Variants in SPOCK1 observed in about 807,000 individuals in gnomAD.
SPOCK1 encodes testican-1.
A neutral mutation model predicts 55.3 loss-of-function variants in SPOCK1; 23 were observed. The observed-to-expected ratio is 0.42, with a 90% CI of 0.30 to 0.59. The LOEUF is 0.59. Ranked by LOEUF, SPOCK1 falls within the 20% of genes least tolerant of loss-of-function variation. The pLI is 0.22. For missense variants in SPOCK1, 499 were observed against 552.5 expected (o/e 0.90, Z 0.97); for synonymous variants, 226 against 221.0 (o/e 1.02, Z -0.20).
intron 6 of SPOCK1, among the ~76,000 whole-genome samples, chr5:137,010,121 C>T (rs1301396126): frequency 6.6e-6 from 1 of 152,046 alleles, no homozygotes; most frequent in African/African-American, 2.4e-5. Context: ...CATATCACAA[C>T]CTGCTGTCTC....
At chr5:137,231,814 C>T (rs959286527) in intron 3 of SPOCK1, among the ~76,000 whole-genome samples, 9 of 152,224 alleles carry the variant, frequency 5.9e-5, no homozygotes, top group African/African-American at 2.2e-4. Flanking sequence ...TGTCACTTTA[C>T]ATTCCCACCA....
rs199775344 is a variant in SPOCK1 at position 136,992,536 on chromosome 5, G to A, written c.654C>T (p.His218=). Residue 218 remains histidine (H), a synonymous_variant, in exon 7 of 11, where the codon CAC becomes CAT. Coordinates refer to ENST00000394945, the MANE Select transcript of SPOCK1 (RefSeq NM_004598.4). ...SRLKDWFGAL[H]EDANRVIKPT... ...GCTTGATGACTCTGTTCGCATCCTC[G>A]TGGAGAGCTCCAAACCAATCCTTCA... 54 of 1,613,844 alleles carry A rather than the reference G, an allele frequency of 3.3e-5. 1 individual carries two copies. In the Middle Eastern group the frequency reaches 5.0e-4, roughly 15 times the overall value.
At chr5:137,287,522 A>C (rs1401957309) in intron 2 of SPOCK1, among the ~76,000 whole-genome samples, 1 of 152,218 alleles carries the variant, frequency 6.6e-6, no homozygotes. Flanking sequence ...AGAGGGCAAA[A>C]ATTTAGTGAA....
chr5:137,390,623 A>G (rs1751699315), intron 2 of SPOCK1, among the ~76,000 whole-genome samples: 1 of 152,182 alleles, frequency 6.6e-6, no homozygotes, highest in Admixed American at 6.5e-5. Flanking sequence ...AACACCAGAG[A>G]AATCTCCACC....
chr5:137,226,057 A>C (rs1388442071), intron 3 of SPOCK1, among the ~76,000 whole-genome samples: 1 of 152,140 alleles, frequency 6.6e-6, no homozygotes. Context: ...CCCAACCTAA[A>C]TCCTGAAAAG....
intron 2 of SPOCK1, among the ~76,000 whole-genome samples, chr5:137,418,664 T>C (rs1382925002): frequency 6.6e-6 from 1 of 152,196 alleles, no homozygotes; most frequent in African/African-American, 2.4e-5. Flanking sequence ...TTTTTTCTTA[T>C]AAATTTGTTT....
chr5:137,290,619 G>T (rs1017001956), intron 2 of SPOCK1, among the ~76,000 whole-genome samples: 3 of 152,162 alleles, frequency 2.0e-5, no homozygotes, highest in Non-Finnish European at 4.4e-5. Flanking sequence ...TTTTAATAAA[G>T]GTTTGAGAAA....
At chr5:137,242,951 A>G (rs997303889) in intron 3 of SPOCK1, among the ~76,000 whole-genome samples, 1 of 152,204 alleles carries the variant, frequency 6.6e-6, no homozygotes, top group African/African-American at 2.4e-5. Context: ...CAAAGAAACT[A>G]ATAACAGTGG....
chr5:137,181,842 G>T (rs1406992917), intron 3 of SPOCK1, among the ~76,000 whole-genome samples: 1 of 152,202 alleles, frequency 6.6e-6, no homozygotes, highest in Admixed American at 6.5e-5. Context: ...ATCTGATTAG[G>T]ATTTGCTTGA....
At chr5:137,355,163 A>T (rs1343232456) in intron 2 of SPOCK1, among the ~76,000 whole-genome samples, 1 of 151,612 alleles carries the variant, frequency 6.6e-6, no homozygotes, top group Non-Finnish European at 1.5e-5. Context: ...AGCCTCCCAA[A>T]GTTCAAGGAT....
chr5:137,266,955 A>G lies in SPOCK1; in HGVS notation c.232+55T>C, dbSNP rs1053804033. 10 of 1,523,432 alleles carry G rather than the reference A, an allele frequency of 6.6e-6. No homozygotes were observed. The Admixed American group carries it at 1.7e-4, about 27-fold the overall frequency. 94.4% of individuals were successfully genotyped at this position (1,523,432 alleles called of 1,614,324 possible). On this transcript the variant is annotated intron_variant, in intron 3 of 10. Coordinates refer to ENST00000394945, the MANE Select transcript of SPOCK1 (RefSeq NM_004598.4). Reference sequence around the variant, plus strand: ...CATTAACTCAGCATGCAAGGAAGGAAAAATGAGACCACATTTACCACAGAC... The same window carrying G: ...CATTAACTCAGCATGCAAGGAAGGAGAAATGAGACCACATTTACCACAGAC...
At chr5:137,038,608 T>G (rs368693441) in intron 6 of SPOCK1, among the ~76,000 whole-genome samples, 2 of 152,224 alleles carry the variant, frequency 1.3e-5, no homozygotes, top group East Asian at 3.9e-4. Context: ...GCAGTGGCTT[T>G]AATTTACTTT....
At chr5:137,126,708 G>A (rs1164064116) in intron 4 of SPOCK1, among the ~76,000 whole-genome samples, 1 of 152,150 alleles carries the variant, frequency 6.6e-6, no homozygotes, top group East Asian at 1.9e-4. Context: ...GCTGCAGTGA[G>A]CTGAGATCAC....
At chr5:137,194,894 T>C (rs12523562) in intron 3 of SPOCK1, among the ~76,000 whole-genome samples, 5,307 of 152,264 alleles carry the variant, frequency 0.035, 176 homozygotes, top group East Asian at 0.14. Context: ...GCCATCACCA[T>C]GCACAGTACC....
intron 2 of SPOCK1, among the ~76,000 whole-genome samples, chr5:137,286,314 CTA>C (rs1757264755): frequency 6.6e-6 from 1 of 152,170 alleles, no homozygotes; most frequent in African/African-American, 2.4e-5. Flanking sequence ...TGAATTTATA[CTA>C]TGAGTAAGAA....
intron 3 of SPOCK1, among the ~76,000 whole-genome samples, chr5:137,158,065 C>G (rs1438938322): frequency 6.6e-6 from 1 of 151,762 alleles, no homozygotes. Context: ...TCCATCCCCC[C>G]AAAAAAAAGA....
chr5:137,277,277 A>T (rs749618487), intron 2 of SPOCK1, among the ~76,000 whole-genome samples: 1 of 152,174 alleles, frequency 6.6e-6, no homozygotes, highest in South Asian at 2.1e-4. Context: ...AGCCTCCTAA[A>T]GTGCTGGGAT....
At chr5:137,110,127 T>G (rs963649237) in intron 5 of SPOCK1, among the ~76,000 whole-genome samples, 5 of 152,120 alleles carry the variant, frequency 3.3e-5, no homozygotes, top group African/African-American at 1.2e-4. Context: ...AGGGCCCCAT[T>G]AGTAACGATA....
chr5:137,471,014 C>T lies in SPOCK1; in HGVS notation c.186+27359G>A, dbSNP rs193271755. On this transcript the variant is annotated intron_variant, in intron 2 of 10. Transcript: ENST00000394945. ...TCATAGGGTTGTTGTGAGAGTAATACGAGTTAATTGTAATATGAGTTAACG... is the reference window on the plus strand; with the variant it reads ...TCATAGGGTTGTTGTGAGAGTAATATGAGTTAATTGTAATATGAGTTAACG... Among the ~76,000 whole-genome samples, 7 of 152,258 alleles carry T rather than the reference C, an allele frequency of 4.6e-5. No homozygotes were observed. The East Asian group carries it at 7.7e-4, about 17-fold the overall frequency.
Sources: allele counts gnomAD v4.1 joint callset (sites outside exome capture counted in the v4.1 genomes callset), GRCh38; gene constraint gnomAD v4.1.1; transcripts MANE v1.5; gene names NCBI Gene and HGNC (gene_info 2026-07-23, HGNC 2026-07-21).